Variants in CEP162 observed in about 807,000 individuals in gnomAD.
The protein encoded by CEP162 is centrosomal protein 162, also known as centrosomal protein of 162 kDa.
In CEP162, 141 loss-of-function variants were observed where a neutral mutation model predicts 169.2. That is an observed-to-expected ratio of 0.83 (90% CI 0.73 to 0.96). The LOEUF (loss-of-function observed/expected upper bound fraction) is 0.96. CEP162 is among the 40% of genes least tolerant of loss of function. The probability of loss-of-function intolerance (pLI) is 0.00; values close to 1 mark genes in which losing one functional copy is unlikely to be tolerated. For missense variants in CEP162, 1,600 were observed against 1,587.2 expected (o/e 1.01, Z -0.14); for synonymous variants, 540 against 526.4 (o/e 1.03, Z -0.35).
intron 6 of CEP162, among the ~76,000 whole-genome samples, chr6:84,207,679 C>A (rs1028839506): frequency 6.6e-6 from 1 of 151,752 alleles, no homozygotes; most frequent in South Asian, 2.1e-4. Flanking sequence ...AACAAACCTG[C>A]ACGTTGTGCA....
Position 84,126,516 on chromosome 6 carries a change from A to T in CEP162, c.3871-4T>A, listed in dbSNP as rs2099508995. 1.3e-6 allele frequency: 2 copies of T among 1,511,308 alleles called. No individual in the cohort carries two copies. Among genetic ancestry groups the T allele is most frequent in the Admixed American group, 4.5e-5 (2 of 44,696 alleles). 93.6% of individuals were successfully genotyped at this position (1,511,308 alleles called of 1,614,324 possible). A position where few individuals can be genotyped will look rare whatever the true frequency, so the allele number is the denominator to read the frequency against. ...ATTCTTCTAAGAGTTTTGTAATCTA[A>T]AATTGACATATGAAGCAAATGAAAA... On this transcript the variant is annotated splice_region_variant and splice_polypyrimidine_tract_variant and intron_variant, in intron 25 of 26. Coordinates refer to ENST00000403245, the MANE Select transcript of CEP162 (RefSeq NM_014895.4).
intron 26 of CEP162, 73 bp downstream of exon 26, chr6:84,126,305 G>T: frequency 1.7e-6 from 2 of 1,149,024 alleles, no homozygotes; most frequent in South Asian, 2.4e-5. Flanking sequence ...TGCTAGGGAT[G>T]ACAAAACTAT....
At chr6:84,189,173 T>C (rs1373744475) in intron 11 of CEP162, among the ~76,000 whole-genome samples, 3 of 152,096 alleles carry the variant, frequency 2.0e-5, no homozygotes, top group Non-Finnish European at 4.4e-5. Flanking sequence ...TGCCTCAGCC[T>C]CCCGAGTAGC....
intron 9 of CEP162, among the ~76,000 whole-genome samples, chr6:84,198,696 GA>G (rs1351804082): frequency 6.6e-6 from 1 of 152,106 alleles, no homozygotes; most frequent in Non-Finnish European, 1.5e-5. Context: ...ACAGAGGGTT[GA>G]CATAAATAAT....
intron 25 of CEP162, among the ~76,000 whole-genome samples, chr6:84,135,602 C>T (rs1451406941): frequency 6.6e-6 from 1 of 151,528 alleles, no homozygotes; most frequent in Non-Finnish European, 1.5e-5. Flanking sequence ...GTGGCTCACG[C>T]CTGTAATCCC....
At chr6:84,176,054 T>C (rs942388) in intron 13 of CEP162, among the ~76,000 whole-genome samples, 3,120 of 152,230 alleles carry the variant, frequency 0.02, 77 homozygotes, top group Admixed American at 0.071. Context: ...TTAAGAACAG[T>C]ACCTAAAAAG....
chr6:84,130,377 G>A (rs1026128253), intron 25 of CEP162, among the ~76,000 whole-genome samples: 1 of 152,184 alleles, frequency 6.6e-6, no homozygotes. Context: ...CTCATAAAAT[G>A]AGTTAGGGAG....
chr6:84,135,559 T>C lies in CEP162; in HGVS notation c.3871-9047A>G, dbSNP rs76568165. Among the ~76,000 whole-genome samples the C allele has an allele frequency of 4.6e-3, 696 of 152,308 alleles. 3 individuals carry two copies. Among genetic ancestry groups the C allele is most frequent in the Non-Finnish European group, 5.8e-3 (396 of 68,026 alleles). ...ACTGAACCACAAAATTATTCCTATT[T>C]TTATTACTTTAAACAAGCCTGGGCT... On this transcript the variant is annotated intron_variant, in intron 25 of 26. Transcript: ENST00000403245.
chr6:84,162,721 C>CTT (rs776802599), intron 19 of CEP162, among the ~76,000 whole-genome samples: 3 of 152,094 alleles, frequency 2.0e-5, no homozygotes, highest in Admixed American at 6.6e-5. Flanking sequence ...CCTTACTCCC[C>CTT]TTGGTTTTCG....
At chr6:84,211,649 GA>G (rs933815657) in intron 6 of CEP162, among the ~76,000 whole-genome samples, 7 of 149,646 alleles carry the variant, frequency 4.7e-5, no homozygotes, top group Admixed American at 1.3e-4. Flanking sequence ...AGCACAGAAA[GA>G]AAAAAAGTTT....
At chr6:84,134,919 TAC>T (rs35312098) in intron 25 of CEP162, among the ~76,000 whole-genome samples, 24,003 of 148,206 alleles carry the variant, frequency 0.16, 2,108 homozygotes, top group Middle Eastern at 0.21. Context: ...AGATCATATA[TAC>T]ACACACACAC....
intron 2 of CEP162, among the ~76,000 whole-genome samples, chr6:84,224,600 T>C (rs1295375496): frequency 2.0e-5 from 3 of 152,324 alleles, no homozygotes; most frequent in Non-Finnish European, 2.9e-5. Context: ...AATAAAGATA[T>C]ATAAACTATG....
chr6:84,143,758 G>A (rs1175077060), intron 25 of CEP162, among the ~76,000 whole-genome samples: 2 of 151,908 alleles, frequency 1.3e-5, no homozygotes, highest in Non-Finnish European at 2.9e-5. Flanking sequence ...CTAGAAACTG[G>A]TTTTCTCTCT....
chr6:84,205,160 T>A lies in CEP162; in HGVS notation c.572-1064A>T, dbSNP rs182916142. Among the ~76,000 whole-genome samples the A allele has an allele frequency of 9.1e-4, 139 of 152,302 alleles. No homozygotes were observed. The Middle Eastern group carries it at 0.014, about 15-fold the overall frequency. On this transcript the variant is annotated intron_variant, in intron 6 of 26. Transcript: ENST00000403245. ...TACCAGAGGTACAAAGAGGAGCTGG[T>A]ACCATTTCTTCTGAAACTATTCCAA... is the stretch of plus-strand genomic sequence containing the variant.
At chr6:84,226,267 G>T in intron 2 of CEP162, 70 bp downstream of exon 2, 1 of 1,017,198 alleles carries the variant, frequency 9.8e-7, no homozygotes, top group Non-Finnish European at 1.5e-6. Flanking sequence ...GTATCTTCGA[G>T]ATGACAGAAT....
At chr6:84,151,094 C>T (rs1363421823) in intron 23 of CEP162, among the ~76,000 whole-genome samples, 1 of 151,934 alleles carries the variant, frequency 6.6e-6, no homozygotes, top group East Asian at 1.9e-4. Context: ...GAGGAAAAGG[C>T]ATGAGGAAAT....
At chr6:84,221,601 T>C (rs1338417196) in intron 2 of CEP162, among the ~76,000 whole-genome samples, 13 of 152,116 alleles carry the variant, frequency 8.5e-5, no homozygotes, top group African/African-American at 1.9e-4. Context: ...GAGGATGAAA[T>C]TGACCAAGAA....
intron 19 of CEP162, among the ~76,000 whole-genome samples, chr6:84,162,512 G>A (rs2099526196): frequency 6.6e-6 from 1 of 152,090 alleles, no homozygotes; most frequent in Non-Finnish European, 1.5e-5. Flanking sequence ...GGGCTCCTCT[G>A]ATCTAACTTT....
intron 9 of CEP162, among the ~76,000 whole-genome samples, chr6:84,197,108 T>C (rs2099542474): frequency 6.6e-6 from 1 of 152,168 alleles, no homozygotes; most frequent in South Asian, 2.1e-4. Context: ...ATGACTTCTA[T>C]GGTAAAGACC....
Sources: allele counts gnomAD v4.1 joint callset (sites outside exome capture counted in the v4.1 genomes callset), GRCh38; gene constraint gnomAD v4.1.1; transcripts MANE v1.5; gene names NCBI Gene and HGNC (gene_info 2026-07-23, HGNC 2026-07-21).